The following FAM53A variants were observed in gnomAD, a reference collection of about 807,000 sequenced individuals.
FAM53A encodes the protein protein FAM53A.
A neutral mutation model predicts 26.6 loss-of-function variants in FAM53A; 28 were observed. The observed-to-expected ratio is 1.05, with a 90% confidence interval of 0.78 to 1.45. The LOEUF is 1.45. Among genes scored for constraint, FAM53A ranks in the 40% most tolerant of loss-of-function variants. The pLI, the probability that FAM53A is intolerant of heterozygous loss-of-function variation, is 0.00. For synonymous variants in FAM53A, 290 were observed against 253.1 expected (o/e 1.15, Z -1.38); for missense variants, 650 against 575.8 (o/e 1.13, Z -1.32).
At chr4:1,623,742 G>T (rs1057451949) in intron 1 of FAM53A, among the ~76,000 whole-genome samples, 1 of 152,260 alleles carries the variant, frequency 6.6e-6, no homozygotes, top group South Asian at 2.1e-4. Flanking sequence ...CGGATCGGAC[G>T]TTACCATACA....
the FAM53A span, among the ~76,000 whole-genome samples, chr4:1,609,189 C>T: frequency 6.6e-6 from 1 of 152,068 alleles, no homozygotes; most frequent in Non-Finnish European, 1.5e-5. Flanking sequence ...TCTGGCAGGG[C>T]TGTCTCTGCT....
At chr4:1,579,410 G>C in the FAM53A span, among the ~76,000 whole-genome samples, 53 of 151,746 alleles carry the variant, frequency 3.5e-4, no homozygotes, top group Non-Finnish European at 2.9e-5. Flanking sequence ...TCAAGCCCCT[G>C]CGTGGGCGCC....
chr4:1,645,134 G>A (rs558390304), intron 4 of FAM53A, among the ~76,000 whole-genome samples: 11 of 152,300 alleles, frequency 7.2e-5, no homozygotes, highest in South Asian at 2.1e-4. Context: ...TGCCTGGAGC[G>A]CAGCACAGTG....
intron 4 of FAM53A, among the ~76,000 whole-genome samples, chr4:1,651,939 C>T (rs1032097838): frequency 3.3e-5 from 5 of 151,286 alleles, no homozygotes; most frequent in African/African-American, 1.2e-4. Context: ...CAGGCACCCA[C>T]CTATGCATCA....
chr4:1,619,088 G>A (rs954220857), intron 1 of FAM53A, among the ~76,000 whole-genome samples: 4 of 152,234 alleles, frequency 2.6e-5, no homozygotes, highest in Admixed American at 6.5e-5. Context: ...AACGGCCTGG[G>A]CTCTCTTCCT....
At chr4:1,621,786 C>T (rs781324046) in intron 1 of FAM53A, among the ~76,000 whole-genome samples, 3 of 152,224 alleles carry the variant, frequency 2.0e-5, no homozygotes, top group South Asian at 2.1e-4. Flanking sequence ...ACGTCTGGCC[C>T]GTGCCGTCCC....
chr4:1,665,551 G>A (rs981230519), intron 2 of FAM53A, among the ~76,000 whole-genome samples: 2 of 151,810 alleles, frequency 1.3e-5, no homozygotes, highest in African/African-American at 2.4e-5. Flanking sequence ...TCCTTTTTCA[G>A]ATAGAAACCA....
intron 1 of FAM53A, among the ~76,000 whole-genome samples, chr4:1,678,316 C>G (rs981456042): frequency 6.6e-6 from 1 of 152,188 alleles, no homozygotes; most frequent in Non-Finnish European, 1.5e-5. Flanking sequence ...GCACTCCAAC[C>G]TGGGTGACAG....
upstream of FAM53A, among the ~76,000 whole-genome samples, chr4:1,685,599 C>A (rs538483396): frequency 4.5e-4 from 68 of 152,240 alleles, no homozygotes; most frequent in Non-Finnish European, 6.6e-4. Flanking sequence ...TAGTCCGGTG[C>A]AGGCTGCGAA....
chr4:1,636,886 G>T (rs918947553), downstream of FAM53A, among the ~76,000 whole-genome samples: 1 of 151,788 alleles, frequency 6.6e-6, no homozygotes, highest in Non-Finnish European at 1.5e-5. Flanking sequence ...GCTCTTGCTG[G>T]GGGGGGGTCC....
chr4:1,668,061 A>G (rs915094447), intron 2 of FAM53A, among the ~76,000 whole-genome samples: 10 of 152,034 alleles, frequency 6.6e-5, no homozygotes, highest in Non-Finnish European at 1.5e-4. Flanking sequence ...GGATGGTAAC[A>G]GGCACACCTG....
chr4:1,595,733 G>C, the FAM53A span, among the ~76,000 whole-genome samples: 3 of 152,238 alleles, frequency 2.0e-5, no homozygotes, highest in Non-Finnish European at 2.9e-5. Context: ...CAGTCCAGCC[G>C]GGCAGAGAGG....
intron 1 of FAM53A, among the ~76,000 whole-genome samples, chr4:1,621,297 G>A (rs1319061812): frequency 6.6e-6 from 1 of 151,892 alleles, no homozygotes; most frequent in Non-Finnish European, 1.5e-5. Flanking sequence ...GTAGAGACGG[G>A]GTTTCACCAT....
At chr4:1,626,011 G>T (rs897133168) in intron 1 of FAM53A, among the ~76,000 whole-genome samples, 1 of 152,196 alleles carries the variant, frequency 6.6e-6, no homozygotes. Flanking sequence ...CCTTCCAGGA[G>T]GCGGCCCAGC....
chr4:1,682,264 C>CTT lies in FAM53A; in HGVS notation c.-165+1967_-165+1968dup, dbSNP rs3993306. On this transcript the variant is annotated intron_variant, in intron 1 of 4. Coordinates refer to ENST00000308132, the MANE Select transcript of FAM53A (RefSeq NM_001174070.3). Reference sequence around the variant, plus strand: ...AGTTTATATAAAAATTTTTAATTTCCTTTTTTTTTTTTTTTTTGAGACAGA... The same window carrying CTT: ...AGTTTATATAAAAATTTTTAATTTCCTTTTTTTTTTTTTTTTTTTGAGACAGA... Among the ~76,000 whole-genome samples the CTT allele has an allele frequency of 3.9e-3, 507 of 130,264 alleles. 7 individuals are homozygous for CTT. Among genetic ancestry groups the CTT allele is most frequent in the African/African-American group, 8.5e-3 (295 of 34,614 alleles). 85.5% of individuals were successfully genotyped at this position (130,264 alleles called of 152,430 possible). A position where few individuals can be genotyped will look rare whatever the true frequency, so the allele number is the denominator to read the frequency against.
rs972730106 is a variant in FAM53A, at chr4:1,661,911, C to T, written c.76-4443G>A. Among the ~76,000 whole-genome samples, 38 of 152,092 alleles carry T rather than the reference C, an allele frequency of 2.5e-4. 3 individuals carry two copies. The highest frequency in any genetic ancestry group is 2.4e-5 in the African/African-American group (1 of 41,378). On this transcript the variant is annotated intron_variant, in intron 2 of 4. Transcript: ENST00000308132. ...CCTCTTGGTGGCGCAGAGGAACCGC[C>T]GGACGGATCTCCAGGGAAGCATGCT...
chr4:1,653,094 CCACA>C (rs141744545), intron 4 of FAM53A, among the ~76,000 whole-genome samples: 6 of 151,286 alleles, frequency 4.0e-5, no homozygotes, highest in South Asian at 2.1e-4. Context: ...ACCACATACA[CCACA>C]CAGAGCACAC....
the FAM53A span, among the ~76,000 whole-genome samples, chr4:1,605,849 G>A: frequency 3.0e-4 from 45 of 152,264 alleles, 1 homozygote; most frequent in South Asian, 9.1e-3. This position sits in a 1 kb window ranked among gnomAD's most constrained non-coding sequence, Gnocchi z 5.7. Flanking sequence ...TCCCGGCCCA[G>A]GCTTCAGAGT....
the FAM53A span, among the ~76,000 whole-genome samples, chr4:1,590,186 T>C: frequency 3.9e-5 from 6 of 152,234 alleles, no homozygotes; most frequent in Non-Finnish European, 7.3e-5. Context: ...CTTTCCTTTT[T>C]TTTACAATTC....
Sources: allele counts gnomAD v4.1 joint callset (sites outside exome capture counted in the v4.1 genomes callset), GRCh38; gene constraint gnomAD v4.1.1; non-coding constraint Gnocchi (gnomAD v3.1); transcripts MANE v1.5; gene names NCBI Gene and HGNC (gene_info 2026-07-23, HGNC 2026-07-21).